Variants in RPS6KA5 observed in about 807,000 individuals in gnomAD.
The protein encoded by RPS6KA5 is ribosomal protein S6 kinase alpha-5.
In RPS6KA5, 27 loss-of-function variants were observed where a neutral mutation model predicts 85.5. That is an observed-to-expected ratio of 0.32 (90% CI 0.23 to 0.44). The LOEUF is 0.44. Ranked by LOEUF, RPS6KA5 falls within the 20% of genes least tolerant of loss-of-function variation. RPS6KA5 has a pLI of 1.00. For synonymous variants in RPS6KA5, 334 were observed against 348.2 expected (o/e 0.96, Z 0.46); for missense variants, 811 against 980.9 (o/e 0.83, Z 2.31).
chr14:90,934,007 G>C (rs917241693), intron 5 of RPS6KA5, among the ~76,000 whole-genome samples: 7 of 152,120 alleles, frequency 4.6e-5, no homozygotes, highest in African/African-American at 1.7e-4. Flanking sequence ...CTGACCACTT[G>C]ATTTCAAAGT....
rs79373786 is a variant in RPS6KA5 at position 91,042,182 on chromosome 14, C to T, written c.103+18150G>A. Among the ~76,000 whole-genome samples the T allele has an allele frequency of 4.4e-3, 670 of 152,240 alleles. 3 individuals carry two copies. The highest frequency in any genetic ancestry group is 0.015 in the African/African-American group (641 of 41,542). On this transcript the variant is annotated intron_variant, in intron 1 of 16. Transcript: ENST00000614987. Reference sequence around the variant, plus strand: ...ATAAACTTTCATCTTATAGCATATACATTTTGTGTCAACTTTCTGTGTTTT... The same window carrying T: ...ATAAACTTTCATCTTATAGCATATATATTTTGTGTCAACTTTCTGTGTTTT...
chr14:90,931,789 C>T (rs2036995639), intron 5 of RPS6KA5, among the ~76,000 whole-genome samples: 1 of 151,998 alleles, frequency 6.6e-6, no homozygotes, highest in African/African-American at 2.4e-5. Context: ...CCTAAATGTA[C>T]CTCAGTAGGA....
chr14:91,046,945 G>A lies in RPS6KA5; in HGVS notation c.103+13387C>T, dbSNP rs115399292. Among the ~76,000 whole-genome samples, 1,474 of 151,772 alleles carry A rather than the reference G, an allele frequency of 9.7e-3. 26 individuals carry two copies. The highest frequency in any genetic ancestry group is 0.032 in the African/African-American group (1,313 of 41,362). On this transcript the variant is annotated intron_variant, in intron 1 of 16. Coordinates refer to ENST00000614987, the MANE Select transcript of RPS6KA5 (RefSeq NM_004755.4). ...AATCGCAGCACTTCTCTGGGAGGCC[G>A]AGGCAGGTGGATCACTTGAGCTCAG... is the stretch of plus-strand genomic sequence containing the variant.
At chr14:90,918,058 G>T (rs912799858) in intron 7 of RPS6KA5, among the ~76,000 whole-genome samples, 3 of 152,184 alleles carry the variant, frequency 2.0e-5, no homozygotes, top group Non-Finnish European at 2.9e-5. Context: ...ACCCAGGAAT[G>T]GAATGGACAG....
chr14:90,881,052 C>G (rs2033804689), intron 14 of RPS6KA5, among the ~76,000 whole-genome samples: 1 of 151,938 alleles, frequency 6.6e-6, no homozygotes, highest in African/African-American at 2.4e-5. Context: ...CCAGGCTAGT[C>G]TCAAACTCCT....
intron 3 of RPS6KA5, among the ~76,000 whole-genome samples, chr14:90,964,868 T>C (rs574911567): frequency 7.5e-6 from 1 of 133,738 alleles, no homozygotes; most frequent in Admixed American, 8.5e-5. Context: ...TGGGCCATGA[T>C]AGTGCCACTG....
intron 14 of RPS6KA5, among the ~76,000 whole-genome samples, chr14:90,879,616 T>C (rs59760513): frequency 0.1 from 15,242 of 152,186 alleles, 870 homozygotes; most frequent in East Asian, 0.24. Flanking sequence ...TCAGCTGCAC[T>C]TGGTGATGAC....
At chr14:91,015,112 G>A (rs534563667) in intron 1 of RPS6KA5, among the ~76,000 whole-genome samples, 3 of 152,276 alleles carry the variant, frequency 2.0e-5, no homozygotes, top group African/African-American at 7.2e-5. Flanking sequence ...GAGCAACAGA[G>A]TAAATCAAAA....
At position 90,866,290 on chromosome 14, in the gene RPS6KA5, C is replaced by T. The variant is rs2032798873; in HGVS notation, c.*5784G>A. 1 of 152,086 alleles carries T rather than the reference C, an allele frequency of 6.6e-6. No individual in the cohort carries two copies. Among genetic ancestry groups the T allele is most frequent in the East Asian group, 1.9e-4 (1 of 5,174 alleles). 9.4% of individuals were successfully genotyped at this position (152,086 alleles called of 1,614,324 possible). On this transcript the variant is annotated 3_prime_UTR_variant, in exon 17 of 17. Transcript: ENST00000614987. ...GACTAGCCTGGGCACCATACTGATA[C>T]CTTGTAGCTATTAAAAAAAAATTAG...
intron 4 of RPS6KA5, among the ~76,000 whole-genome samples, chr14:90,946,344 C>T (rs1228656439): frequency 1.4e-4 from 21 of 152,064 alleles, no homozygotes; most frequent in Admixed American, 1.3e-3. Flanking sequence ...CTTGTTCTCA[C>T]ACGTTTTTCA....
chr14:91,044,219 C>CGAAAGAGA (rs1377120063), intron 1 of RPS6KA5, among the ~76,000 whole-genome samples: 3 of 120,840 alleles, frequency 2.5e-5, no homozygotes. Flanking sequence ...AAGAGTAAAA[C>CGAAAGAGA]GAAAGAGAGA....
In RPS6KA5 at chr14:90,857,217, G is replaced by A. The variant is rs2032327570; in HGVS notation, c.*14857C>T. On this transcript the variant is annotated 3_prime_UTR_variant, in exon 17 of 17. Coordinates refer to ENST00000614987, the MANE Select transcript of RPS6KA5 (RefSeq NM_004755.4). ...AAGTGGGAAAGAATAACAAAGACAG[G>A]AATAGAATCCTTGATCTGACTATAA... is the stretch of plus-strand genomic sequence containing the variant. 6.6e-6 allele frequency: 1 copy of A among 152,108 alleles called. No individual in the cohort carries two copies. The highest frequency in any genetic ancestry group is 2.1e-4 in the South Asian group (1 of 4,826). The allele number at this position is 152,108 out of a possible 1,614,324, so 9.4% of individuals were successfully genotyped here.
chr14:90,894,360 T>C, intron 13 of RPS6KA5, 53 bp downstream of exon 13: 2 of 1,444,236 alleles, frequency 1.4e-6, no homozygotes, highest in Non-Finnish European at 1.8e-6. Flanking sequence ...GTTTGGGAGA[T>C]CTTTAATAAT....
Position 90,860,515 on chromosome 14 carries a change from C to G in RPS6KA5, c.*11559G>C, listed in dbSNP as rs2032490866. On this transcript the variant is annotated 3_prime_UTR_variant, in exon 17 of 17. Transcript: ENST00000614987. Reference sequence around the variant, plus strand: ...TGCCACTGCACTCCAGCCTGGGTGACAGAGTGAGACTTGGTCTCAAAAATA... The same window carrying G: ...TGCCACTGCACTCCAGCCTGGGTGAGAGAGTGAGACTTGGTCTCAAAAATA... 6.6e-6 allele frequency: 1 copy of G among 152,186 alleles called. No homozygotes were observed. Among genetic ancestry groups the G allele is most frequent in the African/African-American group, 2.4e-5 (1 of 41,426 alleles). 9.4% of individuals were successfully genotyped at this position (152,186 alleles called of 1,614,324 possible).
At chr14:90,951,876 G>A (rs1342321905) in intron 3 of RPS6KA5, among the ~76,000 whole-genome samples, 1 of 152,006 alleles carries the variant, frequency 6.6e-6, no homozygotes. Context: ...TGCGAGTATG[G>A]GAAGGGGAAA....
intron 7 of RPS6KA5, among the ~76,000 whole-genome samples, chr14:90,919,931 G>A (rs950367164): frequency 7.2e-5 from 11 of 152,148 alleles, no homozygotes; most frequent in Non-Finnish European, 1.2e-4. Flanking sequence ...TCTACTAAGT[G>A]TAAGACAATA....
In RPS6KA5 at chr14:90,906,801, G is replaced by A. The variant is rs76653277; in HGVS notation, c.807-502C>T. Reference sequence around the variant, plus strand: ...ATAAGAATGCAGAGGGAAGTCCACCGAGACAAGTGGGGTCAGACCCACTTG... The same window carrying A: ...ATAAGAATGCAGAGGGAAGTCCACCAAGACAAGTGGGGTCAGACCCACTTG... On this transcript the variant is annotated intron_variant, in intron 7 of 16. Coordinates refer to ENST00000614987, the MANE Select transcript of RPS6KA5 (RefSeq NM_004755.4). Among the ~76,000 whole-genome samples, 1,030 of 152,156 alleles carry A rather than the reference G, an allele frequency of 6.8e-3. 12 individuals are homozygous for A. Among genetic ancestry groups the A allele is most frequent in the African/African-American group, 0.019 (785 of 41,506 alleles).
chr14:90,947,800 C>T (rs959270848), intron 3 of RPS6KA5, among the ~76,000 whole-genome samples: 1 of 152,120 alleles, frequency 6.6e-6, no homozygotes. Flanking sequence ...TTACTAAAAT[C>T]TGCATATATT....
rs2140142906 is a variant in RPS6KA5 at position 90,875,340 on chromosome 14, C to T, written c.1857G>A (p.Gln619=). The part of the protein sequence containing the change: ...GVILYTMLSG[Q]VPFQSHDRSL... ...TTCGGTCATGAGATTGGAAGGGAAC[C>T]TGTCCTGACAACATTGTGTACTATC... Residue 619 remains glutamine (Q), a synonymous_variant, in exon 15 of 17, where the codon CAG becomes CAA. Coordinates refer to ENST00000614987, the MANE Select transcript of RPS6KA5 (RefSeq NM_004755.4). The T allele has an allele frequency of 6.2e-7, 1 of 1,613,814 alleles. No individual in the cohort carries two copies. Among genetic ancestry groups the T allele is most frequent in the South Asian group, 1.1e-5 (1 of 91,058 alleles).
Sources: gnomAD v4.1 joint callset for allele counts (sites outside exome capture counted in the v4.1 genomes callset) on GRCh38, gnomAD v4.1.1 for gene constraint, MANE v1.5 for transcripts, NCBI Gene and HGNC (gene_info 2026-07-23, HGNC 2026-07-21) for gene names.